CCDC85A: variants seen among roughly 807,000 people sequenced by gnomAD.
CCDC85A encodes the protein coiled-coil domain containing 85A.
In CCDC85A, 38 loss-of-function variants were observed where a neutral mutation model predicts 50.2. The ratio of observed to expected loss-of-function variants is 0.76; its 90% CI spans 0.58 to 0.99. The LOEUF is 0.99. Ranked by LOEUF, CCDC85A falls within the 50% of genes least tolerant of loss-of-function variation. The pLI is 0.00. For missense variants in CCDC85A, 820 were observed against 742.0 expected (o/e 1.11, Z -1.22); for synonymous variants, 366 against 301.4 (o/e 1.21, Z -2.22).
chr2:56,360,986 G>T (rs543529658), intron 3 of CCDC85A, among the ~76,000 whole-genome samples: 1 of 152,332 alleles, frequency 6.6e-6, no homozygotes, highest in East Asian at 1.9e-4. Context: ...AGGCGTGGTG[G>T]CTCACGCCTG....
At chr2:56,251,278 G>T (rs1669743882) in intron 2 of CCDC85A, among the ~76,000 whole-genome samples, 1 of 152,146 alleles carries the variant, frequency 6.6e-6, no homozygotes, top group Admixed American at 6.6e-5. Context: ...CCCAGTGCCT[G>T]GTATATATTA....
intron 3 of CCDC85A, among the ~76,000 whole-genome samples, chr2:56,355,153 C>T (rs1675158785): frequency 2.0e-5 from 3 of 152,190 alleles, no homozygotes; most frequent in South Asian, 2.1e-4. Context: ...CCATTCCCCA[C>T]GGCTCCTAGG....
At chr2:56,301,370 C>T (rs1672194864) in intron 2 of CCDC85A, among the ~76,000 whole-genome samples, 1 of 152,100 alleles carries the variant, frequency 6.6e-6, no homozygotes, top group East Asian at 1.9e-4. Context: ...CTTCTTACCA[C>T]CTGTGACAGA....
At chr2:56,349,664 G>A (rs1303341854) in intron 3 of CCDC85A, among the ~76,000 whole-genome samples, 2 of 152,036 alleles carry the variant, frequency 1.3e-5, no homozygotes, top group African/African-American at 4.8e-5. Flanking sequence ...ATAGGTGAAA[G>A]GGAAATGAAA....
At chr2:56,210,579 T>C (rs1677141743) in intron 2 of CCDC85A, among the ~76,000 whole-genome samples, 1 of 152,020 alleles carries the variant, frequency 6.6e-6, no homozygotes, top group Non-Finnish European at 1.5e-5. Context: ...AGACTTACAT[T>C]CTGAAGGCTG....
chr2:56,332,324 A>G (rs759150457), intron 2 of CCDC85A, among the ~76,000 whole-genome samples: 5 of 152,090 alleles, frequency 3.3e-5, no homozygotes, highest in African/African-American at 1.2e-4. Context: ...TGGGTAATTT[A>G]TAAACAACAG....
chr2:56,200,480 A>G (rs150700013), intron 2 of CCDC85A, among the ~76,000 whole-genome samples: 74 of 152,314 alleles, frequency 4.9e-4, no homozygotes, highest in African/African-American at 1.5e-3. Context: ...ATAAAGTCTC[A>G]GCTCTAATTT....
chr2:56,187,764 A>G (rs1676114770), intron 1 of CCDC85A, among the ~76,000 whole-genome samples: 1 of 152,126 alleles, frequency 6.6e-6, no homozygotes, highest in Non-Finnish European at 1.5e-5. Context: ...GAAGGGGTGG[A>G]TGAGGGAGAT....
At chr2:56,206,162 T>C (rs965852074) in intron 2 of CCDC85A, among the ~76,000 whole-genome samples, 40 of 152,126 alleles carry the variant, frequency 2.6e-4, no homozygotes, top group African/African-American at 9.2e-4. Context: ...ACCTAGGGAA[T>C]GAAATACAAT....
chr2:56,289,229 T>A (rs1671590210), intron 2 of CCDC85A, among the ~76,000 whole-genome samples: 1 of 152,240 alleles, frequency 6.6e-6, no homozygotes, highest in South Asian at 2.1e-4. Context: ...ATGGATTTTT[T>A]TAATGTATTT....
chr2:56,312,130 GTGAA>G (rs918662906), intron 2 of CCDC85A, among the ~76,000 whole-genome samples: 3 of 152,100 alleles, frequency 2.0e-5, no homozygotes, highest in Non-Finnish European at 2.9e-5. Flanking sequence ...GAAGCACTGA[GTGAA>G]TGGTAACTTG....
intron 2 of CCDC85A, among the ~76,000 whole-genome samples, chr2:56,320,181 AAGG>A (rs1252798373): frequency 2.0e-5 from 3 of 152,320 alleles, no homozygotes; most frequent in African/African-American, 7.2e-5. Context: ...CCACAAGAGA[AAGG>A]AGGAGAGATC....
At chr2:56,286,209 A>G (rs72803025) in intron 2 of CCDC85A, among the ~76,000 whole-genome samples, 14 of 151,668 alleles carry the variant, frequency 9.2e-5, no homozygotes, top group Non-Finnish European at 1.8e-4. Context: ...TTTGTTTTGT[A>G]TTTCTGTATT....
chr2:56,235,931 T>C (rs1356981146), intron 2 of CCDC85A, among the ~76,000 whole-genome samples: 1 of 152,086 alleles, frequency 6.6e-6, no homozygotes, highest in Non-Finnish European at 1.5e-5. Context: ...GTGTTTGAGA[T>C]CAGCTTCAAA....
intron 2 of CCDC85A, among the ~76,000 whole-genome samples, chr2:56,341,770 C>G (rs1674382641): frequency 6.6e-6 from 1 of 152,184 alleles, no homozygotes; most frequent in South Asian, 2.1e-4. Flanking sequence ...AATTTCAGGT[C>G]TGCTCCTGGT....
intron 2 of CCDC85A, among the ~76,000 whole-genome samples, chr2:56,238,475 T>C (rs1016804944): frequency 3.3e-5 from 5 of 152,002 alleles, no homozygotes; most frequent in South Asian, 2.1e-4. Flanking sequence ...AAACAACATA[T>C]TTATGTTTAA....
chr2:56,271,208 T>A (rs1057012898), intron 2 of CCDC85A, among the ~76,000 whole-genome samples: 1 of 152,180 alleles, frequency 6.6e-6, no homozygotes, highest in African/African-American at 2.4e-5. Context: ...GTCAGTTATG[T>A]AGGGCTATAG....
chr2:56,196,645 G>A (rs1456090799), intron 2 of CCDC85A, among the ~76,000 whole-genome samples: 1 of 152,182 alleles, frequency 6.6e-6, no homozygotes, highest in Non-Finnish European at 1.5e-5. Context: ...TGTCTTGGAT[G>A]ATTTAGGCTC....
chr2:56,289,256 C>T (rs956242594), intron 2 of CCDC85A, among the ~76,000 whole-genome samples: 3 of 151,968 alleles, frequency 2.0e-5, no homozygotes, highest in African/African-American at 7.3e-5. Context: ...TCTACCTATG[C>T]TTATTGGTTA....
Sources: allele counts gnomAD v4.1 joint callset (sites outside exome capture counted in the v4.1 genomes callset), GRCh38; gene constraint gnomAD v4.1.1; transcripts MANE v1.5; gene names NCBI Gene and HGNC (gene_info 2026-07-23, HGNC 2026-07-21).